The following INPP5A variants were observed in gnomAD, a reference collection of about 807,000 sequenced individuals.
INPP5A encodes 43 kDa inositol polyphosphate 5-phophatase.
Under a neutral mutation model 65.2 loss-of-function variants are expected in INPP5A, and 14 were observed. The observed-to-expected ratio is 0.21, with a 90% CI of 0.14 to 0.34. The LOEUF (loss-of-function observed/expected upper bound fraction) is 0.34, where lower values mean the gene tolerates loss of function less well. Among genes scored for constraint, INPP5A ranks in the 10% least tolerant of loss-of-function variants. The pLI is 1.00. For synonymous variants in INPP5A, 207 were observed against 208.3 expected (o/e 0.99, Z 0.05); for missense variants, 431 against 545.6 (o/e 0.79, Z 2.09).
At chr10:132,645,476 T>C (rs779350865) in intron 2 of INPP5A, among the ~76,000 whole-genome samples, 4 of 152,242 alleles carry the variant, frequency 2.6e-5, no homozygotes, top group Non-Finnish European at 5.9e-5. Flanking sequence ...TTGCTGGGGT[T>C]GTGCCTGGGT....
chr10:132,652,964 C>A (rs1470295556), intron 4 of INPP5A, among the ~76,000 whole-genome samples: 1 of 152,172 alleles, frequency 6.6e-6, no homozygotes, highest in Non-Finnish European at 1.5e-5. Flanking sequence ...GCAGGAGGAC[C>A]CCACAGTCCC....
At chr10:132,715,771 G>C (rs1845728604) in intron 8 of INPP5A, among the ~76,000 whole-genome samples, 1 of 152,224 alleles carries the variant, frequency 6.6e-6, no homozygotes, top group African/African-American at 2.4e-5. Context: ...CACTCCCGCT[G>C]GCCTCGGAGA....
chr10:132,635,983 CAAAA>C (rs202003054), intron 2 of INPP5A, among the ~76,000 whole-genome samples: 5 of 49,232 alleles, frequency 1.0e-4, no homozygotes, highest in African/African-American at 2.5e-4. Context: ...ATCTCAAAGA[CAAAA>C]AAAAAAAAAA....
chr10:132,763,788 T>C (rs1246782252), intron 11 of INPP5A, among the ~76,000 whole-genome samples: 1 of 151,774 alleles, frequency 6.6e-6, no homozygotes, highest in African/African-American at 2.4e-5. Context: ...AACACATGCC[T>C]GCATGCAAAC....
chr10:132,596,913 G>C (rs892779586), intron 1 of INPP5A, among the ~76,000 whole-genome samples: 16 of 42,966 alleles, frequency 3.7e-4, no homozygotes, highest in Non-Finnish European at 1.2e-3. Context: ...GTGCATGTGT[G>C]CATGTGTGCG....
intron 2 of INPP5A, among the ~76,000 whole-genome samples, chr10:132,639,995 G>A (rs544665047): frequency 6.6e-6 from 1 of 152,198 alleles, no homozygotes; most frequent in East Asian, 1.9e-4. Flanking sequence ...TGACCTCATG[G>A]AGCATGTTGT....
intron 8 of INPP5A, among the ~76,000 whole-genome samples, chr10:132,718,604 C>G (rs1258895504): frequency 2.0e-5 from 3 of 147,414 alleles, no homozygotes; most frequent in Non-Finnish European, 4.5e-5. Flanking sequence ...GCACCTTAGA[C>G]GACTGTCTTC....
intron 9 of INPP5A, among the ~76,000 whole-genome samples, chr10:132,737,257 C>T (rs181793877): frequency 5.3e-5 from 8 of 152,324 alleles, no homozygotes; most frequent in Admixed American, 1.3e-4. Flanking sequence ...GTGGCAGGGA[C>T]GGTCCCTTCT....
intron 4 of INPP5A, among the ~76,000 whole-genome samples, chr10:132,660,598 CTGGTGT>C (rs1323259284): frequency 1.0e-4 from 15 of 149,700 alleles, no homozygotes; most frequent in African/African-American, 3.3e-4. Flanking sequence ...GGGAGTGGCT[CTGGTGT>C]CTGAGCAGAG....
At chr10:132,720,984 T>A (rs1381989565) in intron 8 of INPP5A, among the ~76,000 whole-genome samples, 2 of 149,474 alleles carry the variant, frequency 1.3e-5, no homozygotes, top group African/African-American at 4.9e-5. Context: ...CTGTGGTGCC[T>A]GGGTTCTGTC....
intron 4 of INPP5A, among the ~76,000 whole-genome samples, chr10:132,668,249 G>A (rs1056423272): frequency 4.6e-5 from 7 of 152,154 alleles, no homozygotes; most frequent in African/African-American, 1.7e-4. Context: ...CCTTTCTTAG[G>A]TGAAATGACA....
rs537611046 is a variant in INPP5A at position 132,650,114 on chromosome 10, C to G, written c.219-304C>G. Reference sequence around the variant, plus strand: ...CCCCAGAGCTTGGAGTTGCGCTTCCCTGGCATGAGACCTTGGGTGAGTTCT... The same window carrying G: ...CCCCAGAGCTTGGAGTTGCGCTTCCGTGGCATGAGACCTTGGGTGAGTTCT... On this transcript the variant is annotated intron_variant, in intron 3 of 15. Coordinates refer to ENST00000368594, the MANE Select transcript of INPP5A (RefSeq NM_005539.5). This position sits in a 1 kb window ranked among gnomAD's most constrained non-coding sequence, Gnocchi z 5.5. 6.6e-6 allele frequency among the ~76,000 whole-genome samples: 1 copy of G among 152,292 alleles called. No individual in the cohort carries two copies. Among genetic ancestry groups the G allele is most frequent in the South Asian group, 2.1e-4 (1 of 4,824 alleles).
intron 1 of INPP5A, among the ~76,000 whole-genome samples, chr10:132,563,991 G>A (rs769344131): frequency 6.6e-6 from 1 of 152,186 alleles, no homozygotes; most frequent in Non-Finnish European, 1.5e-5. Flanking sequence ...AGGCCCGGCC[G>A]CGGCTGTGGT....
Position 132,545,307 on chromosome 10 carries a change from G to A in INPP5A, c.75+7136G>A, listed in dbSNP as rs2070955655. On this transcript the variant is annotated intron_variant, in intron 1 of 15. Transcript: ENST00000368594. The surrounding 1 kb of genome is among the most constrained non-coding windows in gnomAD (Gnocchi z 4.6). Reference sequence around the variant, plus strand: ...CCCACCGTGAAGCATCAAATTTAGAGCCCCTCTGTCCAGGGGCTAGAGGGG... The same window carrying A: ...CCCACCGTGAAGCATCAAATTTAGAACCCCTCTGTCCAGGGGCTAGAGGGG... Among the ~76,000 whole-genome samples, 1 of 152,184 alleles carries A rather than the reference G, an allele frequency of 6.6e-6. No homozygotes were observed. Among genetic ancestry groups the A allele is most frequent in the Non-Finnish European group, 1.5e-5 (1 of 68,028 alleles).
At chr10:132,730,443 C>T (rs932335372) in intron 9 of INPP5A, among the ~76,000 whole-genome samples, 1 of 152,246 alleles carries the variant, frequency 6.6e-6, no homozygotes, top group Non-Finnish European at 1.5e-5. Context: ...CAGGACAGTT[C>T]ACGTCTGTCC....
chr10:132,595,536 G>T (rs758080428), intron 1 of INPP5A, among the ~76,000 whole-genome samples: 6 of 152,226 alleles, frequency 3.9e-5, no homozygotes, highest in Non-Finnish European at 8.8e-5. Context: ...TTGTTGGTGA[G>T]TGTCTGGCTC....
chr10:132,732,153 C>T (rs1846098113), intron 9 of INPP5A, among the ~76,000 whole-genome samples: 1 of 152,244 alleles, frequency 6.6e-6, no homozygotes. Context: ...AGTTACCAGG[C>T]CCTGGCTTAT....
chr10:132,730,825 G>A lies in INPP5A; in HGVS notation c.732+3920G>A, dbSNP rs538476286. 3.3e-5 allele frequency among the ~76,000 whole-genome samples: 5 copies of A among 152,312 alleles called. No individual in the cohort carries two copies. In the East Asian group the frequency reaches 7.7e-4, roughly 24 times the overall value. Reference sequence around the variant, plus strand: ...CCTCTGCCCCTGCAGCGGCTGCCAGGACATGAGGCTAACAAGCACCGAGGG... The same window carrying A: ...CCTCTGCCCCTGCAGCGGCTGCCAGAACATGAGGCTAACAAGCACCGAGGG... On this transcript the variant is annotated intron_variant, in intron 9 of 15. Coordinates refer to ENST00000368594, the MANE Select transcript of INPP5A (RefSeq NM_005539.5).
intron 2 of INPP5A, among the ~76,000 whole-genome samples, chr10:132,628,478 G>GGGGGGGGGGGGGGGGGGGGGC: frequency 7.3e-6 from 1 of 137,138 alleles, no homozygotes. Context: ...GGGGGGGGGG[G>GGGGGGGGGGGGGGGGGGGGGC]CGTGGCGTGG....
Sources: gnomAD v4.1 joint callset for allele counts (sites outside exome capture counted in the v4.1 genomes callset) on GRCh38, gnomAD v4.1.1 for gene constraint, Gnocchi (gnomAD v3.1) non-coding constraint, MANE v1.5 for transcripts, NCBI Gene and HGNC (gene_info 2026-07-23, HGNC 2026-07-21) for gene names.